The following TIAM1 variants were observed in gnomAD, a reference collection of about 807,000 sequenced individuals.
The protein encoded by TIAM1 is rho guanine nucleotide exchange factor TIAM1.
In TIAM1, 65 loss-of-function variants were observed where a neutral mutation model predicts 163.5. That is an observed-to-expected ratio of 0.40 (90% CI 0.33 to 0.49). The LOEUF (loss-of-function observed/expected upper bound fraction) is 0.49. Ranked by LOEUF, TIAM1 falls within the 20% of genes least tolerant of loss-of-function variation. The pLI, the probability that TIAM1 is intolerant of heterozygous loss-of-function variation, is 0.77. For synonymous variants in TIAM1, 833 were observed against 810.1 expected, an observed-to-expected ratio of 1.03 and a Z score of -0.48; for missense variants, 1,789 against 2,044.7, an observed-to-expected ratio of 0.87 and a Z score of 2.41.
intron 6 of TIAM1, among the ~76,000 whole-genome samples, chr21:31,243,203 A>AT (rs1214097603): frequency 8.4e-4 from 111 of 132,702 alleles, no homozygotes; most frequent in Middle Eastern, 3.9e-3. Flanking sequence ...AAAAAAAAAA[A>AT]AAAAAAATAT....
intron 2 of TIAM1, among the ~76,000 whole-genome samples, chr21:31,331,530 G>A (rs529435024): frequency 6.6e-6 from 1 of 152,332 alleles, no homozygotes; most frequent in East Asian, 1.9e-4. Flanking sequence ...GTAGGACAGA[G>A]CCTACCCTAC....
At chr21:31,343,954 T>C (rs2076093792) in intron 1 of TIAM1, among the ~76,000 whole-genome samples, 184 bp downstream of exon 1, 2 of 152,206 alleles carry the variant, frequency 1.3e-5, no homozygotes, top group Admixed American at 1.3e-4. Context: ...GGGGCGCAGC[T>C]TGGAGACGCG....
intron 1 of TIAM1, among the ~76,000 whole-genome samples, chr21:31,483,745 C>A (rs868773011): frequency 1.3e-5 from 2 of 152,098 alleles, no homozygotes; most frequent in Non-Finnish European, 1.5e-5. Context: ...AGCAGCCTGA[C>A]AAATCTGCAC....
chr21:31,282,941 T>A (rs1302296237), intron 2 of TIAM1, among the ~76,000 whole-genome samples: 6 of 152,266 alleles, frequency 3.9e-5, no homozygotes, highest in African/African-American at 1.4e-4. Flanking sequence ...AACAGATTCA[T>A]ACAATCAATA....
At chr21:31,503,667 A>C (rs8133148) in intron 1 of TIAM1, among the ~76,000 whole-genome samples, 1 of 134,360 alleles carries the variant, frequency 7.4e-6, no homozygotes. Context: ...ACAAAACCAA[A>C]ACGGCAGGCT....
chr21:31,511,151 C>T (rs910199530), intron 1 of TIAM1, among the ~76,000 whole-genome samples: 2 of 151,892 alleles, frequency 1.3e-5, no homozygotes, highest in Admixed American at 6.5e-5. Context: ...GGGCTTGTGC[C>T]CTGCAGAACA....
intron 2 of TIAM1, among the ~76,000 whole-genome samples, chr21:31,455,317 C>G (rs1429181888): frequency 2.7e-5 from 4 of 148,136 alleles, no homozygotes; most frequent in Admixed American, 2.0e-4. Flanking sequence ...AGAACATAGG[C>G]TAGAAAGTAA....
At chr21:31,394,728 TCACACACACACACACACACA>T (rs71318270) in intron 2 of TIAM1, among the ~76,000 whole-genome samples, 24 of 95,704 alleles carry the variant, frequency 2.5e-4, no homozygotes, top group African/African-American at 9.5e-4. Flanking sequence ...TCTCTCTCTC[TCACACACACACACACACACA>T]CACACACACA....
intron 2 of TIAM1, among the ~76,000 whole-genome samples, chr21:31,330,476 T>C (rs1405894701): frequency 6.6e-6 from 1 of 152,236 alleles, no homozygotes; most frequent in East Asian, 1.9e-4. Context: ...TTTCCCTCTG[T>C]AGCCCAGGCT....
intron 2 of TIAM1, among the ~76,000 whole-genome samples, chr21:31,434,853 G>T (rs1170128810): frequency 6.6e-6 from 1 of 152,180 alleles, no homozygotes; most frequent in Non-Finnish European, 1.5e-5. Flanking sequence ...ATGTCCCACG[G>T]AGACTTTTGC....
At chr21:31,136,503 C>A (rs563774398) in intron 22 of TIAM1, among the ~76,000 whole-genome samples, 1 of 151,778 alleles carries the variant, frequency 6.6e-6, no homozygotes, top group Non-Finnish European at 1.5e-5. Context: ...AAAAAAAATC[C>A]TTTAATTCAT....
intron 9 of TIAM1, among the ~76,000 whole-genome samples, chr21:31,214,851 TCCTGGCCTCAAAGAATCC>T (rs1222640856): frequency 1.4e-4 from 22 of 152,050 alleles, no homozygotes; most frequent in Non-Finnish European, 3.1e-4. Flanking sequence ...GGTCTCAAAC[TCCTGGCCTCAAAGAATCC>T]TCCCACCTTG....
At chr21:31,387,195 C>CTTTTTTTTTTTTTTTTTTTTTTTT (rs60592178) in intron 2 of TIAM1, among the ~76,000 whole-genome samples, 1 of 75,152 alleles carries the variant, frequency 1.3e-5, no homozygotes, top group Non-Finnish European at 2.6e-5. Flanking sequence ...AGCTTATTCT[C>CTTTTTTTTTTTTTTTTTTTTTTTT]TTTTTTTTTT....
intron 2 of TIAM1, among the ~76,000 whole-genome samples, chr21:31,430,458 C>T (rs1290720226): frequency 6.6e-6 from 1 of 151,840 alleles, no homozygotes; most frequent in Non-Finnish European, 1.5e-5. Context: ...CCACCTGCAA[C>T]ACAACCATTT....
intron 1 of TIAM1, among the ~76,000 whole-genome samples, chr21:31,342,361 G>T (rs918267801): frequency 6.6e-6 from 1 of 151,614 alleles, no homozygotes; most frequent in African/African-American, 2.4e-5. Flanking sequence ...GAGGTGGGGA[G>T]ACAATATGAA....
intron 2 of TIAM1, among the ~76,000 whole-genome samples, chr21:31,313,856 C>T (rs941664008): frequency 2.6e-5 from 4 of 152,196 alleles, no homozygotes; most frequent in Non-Finnish European, 5.9e-5. Flanking sequence ...GGATTACAGG[C>T]ATGAGCCACT....
At position 31,395,878 on chromosome 21, in the gene TIAM1, G is replaced by T. The variant is rs2077059674; in HGVS notation, c.-368-56456C>A. Among the ~76,000 whole-genome samples, 1 of 152,152 alleles carries T rather than the reference G, an allele frequency of 6.6e-6. No homozygotes were observed. The highest frequency in any genetic ancestry group is 1.5e-5 in the Non-Finnish European group (1 of 68,024). The stretch of plus-strand genomic sequence containing the variant: ...CAGGCCAGTAGGGAGGGCCTGAACA[G>T]AAAGAAAACAAGGAGCGAAAACAAA... On this transcript the variant is annotated intron_variant, in intron 2 of 28. Transcript: ENST00000286827. The surrounding 1 kb of genome is among the most constrained non-coding windows in gnomAD (Gnocchi z 7.5).
At chr21:31,464,389 CT>C (rs2045445603) in intron 1 of TIAM1, among the ~76,000 whole-genome samples, 1 of 152,124 alleles carries the variant, frequency 6.6e-6, no homozygotes, top group Admixed American at 6.6e-5. Flanking sequence ...CGTTTTTATT[CT>C]ATTTTTATTT....
At chr21:31,445,666 T>TCAGGAGACC (rs2044595476) in intron 2 of TIAM1, among the ~76,000 whole-genome samples, 1 of 152,174 alleles carries the variant, frequency 6.6e-6, no homozygotes, top group Non-Finnish European at 1.5e-5. Context: ...GTTCTCTTCA[T>TCAGGAGACC]CAGGAGACCC....
Sources: allele counts gnomAD v4.1 joint callset (sites outside exome capture counted in the v4.1 genomes callset), GRCh38; gene constraint gnomAD v4.1.1; non-coding constraint Gnocchi (gnomAD v3.1); transcripts MANE v1.5; gene names NCBI Gene and HGNC (gene_info 2026-07-23, HGNC 2026-07-21).